Variants in ALDH2 observed in about 807,000 individuals in gnomAD.
ALDH2 encodes aldehyde dehydrogenase, mitochondrial.
ALDH2 carries 44 observed loss-of-function variants against 59.6 expected under a neutral mutation model. The ratio of observed to expected loss-of-function variants is 0.74; its 90% CI spans 0.58 to 0.95. ALDH2 has a LOEUF of 0.95. ALDH2 is among the 40% of genes least tolerant of loss of function. The probability of loss-of-function intolerance (pLI) is 0.00; values close to 1 mark genes in which losing one functional copy is unlikely to be tolerated. For missense variants in ALDH2, 570 were observed against 696.3 expected, an observed-to-expected ratio of 0.82 and a Z score of 2.04; for synonymous variants, 291 against 284.0, an observed-to-expected ratio of 1.02 and a Z score of -0.25.
chr12:111,770,005 A>G (rs543005363), intron 1 of ALDH2, among the ~76,000 whole-genome samples: 2 of 152,168 alleles, frequency 1.3e-5, no homozygotes, highest in South Asian at 2.1e-4. Flanking sequence ...TTAGCTGGGC[A>G]TGGTGGCGCG....
chr12:111,768,012 G>A (rs1485800236), intron 1 of ALDH2, among the ~76,000 whole-genome samples: 1 of 152,214 alleles, frequency 6.6e-6, no homozygotes, highest in Non-Finnish European at 1.5e-5. Context: ...CCTTTGTGCA[G>A]CACTGTTCTA....
At position 111,792,124 on chromosome 12, in the gene ALDH2, G is replaced by T. The variant is rs145077856; in HGVS notation, c.859G>T (p.Gly287Trp). Residue 287 changes from glycine (G) to tryptophan (W), a missense_variant, in exon 8 of 13, where the codon GGG becomes TGG. Coordinates refer to ENST00000261733, the MANE Select transcript of ALDH2 (RefSeq NM_000690.4). ...SNLKRVTLEL[G>W]GKSPNIIMSD... ...CCTCAAGAGAGTGACCTTGGAGCTG[G>T]GGGGGAAGAGCCCCAACATCATCAT... 31 of 1,607,934 alleles carry T rather than the reference G, an allele frequency of 1.9e-5. No homozygotes were observed. The East Asian group carries it at 5.6e-4, about 29-fold the overall frequency.
Position 111,799,887 on chromosome 12 carries a change from C to T in ALDH2, c.1249-19C>T, listed in dbSNP as rs200408280. On this transcript the variant is annotated intron_variant, in intron 10 of 12. Coordinates refer to ENST00000261733, the MANE Select transcript of ALDH2 (RefSeq NM_000690.4). ...GCCTCCGTGTTGCCGAACCCTCCTACGCTGCTCTCTCACTCCAGATCTTCG... is the reference window on the plus strand; with the variant it reads ...GCCTCCGTGTTGCCGAACCCTCCTATGCTGCTCTCTCACTCCAGATCTTCG... 203 of 1,610,002 alleles carry T rather than the reference C, an allele frequency of 1.3e-4. 1 individual carries two copies. The highest frequency in any genetic ancestry group is 1.6e-4 in the Non-Finnish European group (188 of 1,177,840).
In ALDH2 at chr12:111,814,665, T is replaced by C. The variant is rs1157004598; in HGVS notation, c.*5090T>C. The C allele has an allele frequency of 6.6e-6, 1 of 150,766 alleles. No individual in the cohort carries two copies. The highest frequency in any genetic ancestry group is 2.4e-5 in the African/African-American group (1 of 40,882). 9.3% of individuals were successfully genotyped at this position (150,766 alleles called of 1,614,324 possible). ...TTCGAGATCAGCCTGGCCAACATGA[T>C]GAAAACCCATCTCTGCTAAAAATAC... On this transcript the variant is annotated 3_prime_UTR_variant, in exon 13 of 13. Coordinates refer to ENST00000261733, the MANE Select transcript of ALDH2 (RefSeq NM_000690.4).
chr12:111,808,640 G>C (rs1171742698), intron 12 of ALDH2, among the ~76,000 whole-genome samples: 1 of 152,128 alleles, frequency 6.6e-6, no homozygotes, highest in Non-Finnish European at 1.5e-5. Flanking sequence ...GGGAGGCAGA[G>C]GTTGCAGTGA....
Position 111,813,054 on chromosome 12 carries a change from A to AT in ALDH2, c.*3483dup, listed in dbSNP as rs1205755748. 6 of 152,224 alleles carry AT rather than the reference A, an allele frequency of 3.9e-5. No individual in the cohort carries two copies. The highest frequency in any genetic ancestry group is 3.3e-4 in the Admixed American group (5 of 15,282). The allele number at this position is 152,224 out of a possible 1,614,324, so 9.4% of individuals were successfully genotyped here. A position where few individuals can be genotyped will look rare whatever the true frequency, so the allele number is the denominator to read the frequency against. ...CTATGAAGAAATGTCTATCAAGTTGATTTTGACAACCTAGACACATTAATC... is the reference window on the plus strand; with the variant it reads ...CTATGAAGAAATGTCTATCAAGTTGATTTTTGACAACCTAGACACATTAATC... On this transcript the variant is annotated 3_prime_UTR_variant, in exon 13 of 13. Coordinates refer to ENST00000261733, the MANE Select transcript of ALDH2 (RefSeq NM_000690.4).
intron 12 of ALDH2, among the ~76,000 whole-genome samples, chr12:111,805,995 C>A (rs1484851935): frequency 7.1e-6 from 1 of 141,604 alleles, no homozygotes; most frequent in African/African-American, 2.7e-5. Context: ...TGCACTCCAG[C>A]CTGGCGACAG....
intron 4 of ALDH2, among the ~76,000 whole-genome samples, chr12:111,788,828 C>A (rs887066797): frequency 6.6e-6 from 1 of 151,850 alleles, no homozygotes; most frequent in Non-Finnish European, 1.5e-5. Flanking sequence ...ATAGGGAGAC[C>A]CACATCTCTA....
At chr12:111,770,645 A>T (rs1335403718) in intron 1 of ALDH2, among the ~76,000 whole-genome samples, 2 of 151,432 alleles carry the variant, frequency 1.3e-5, no homozygotes, top group African/African-American at 2.4e-5. Context: ...TGTATTTTTT[A>T]TTTTATTTTA....
chr12:111,789,707 CA>C, intron 4 of ALDH2, 115 bp from the exon 5 acceptor site: 1 of 881,826 alleles, frequency 1.1e-6, no homozygotes, highest in Non-Finnish European at 1.8e-6. Context: ...AAGCCAAAAG[CA>C]AAGACAGTTT....
At chr12:111,780,388 G>GT (rs1490436160) in intron 1 of ALDH2, among the ~76,000 whole-genome samples, 1 of 152,132 alleles carries the variant, frequency 6.6e-6, no homozygotes. Context: ...CCCTGACCCC[G>GT]TTTTTTATCA....
At position 111,811,949 on chromosome 12, in the gene ALDH2, G is replaced by GT. The variant is rs954462350; in HGVS notation, c.*2376dup. ...GAGGCCCCGAATGTCTGGCTGCACT[G>GT]TTATTTATTGGATACAAAGCAAAAG... is the stretch of plus-strand genomic sequence containing the variant. On this transcript the variant is annotated 3_prime_UTR_variant, in exon 13 of 13. Transcript: ENST00000261733. 2 of 182,104 alleles carry GT rather than the reference G, an allele frequency of 1.1e-5. No homozygotes were observed. The highest frequency in any genetic ancestry group is 4.8e-5 in the African/African-American group (2 of 41,902). 11.3% of individuals were successfully genotyped at this position (182,104 alleles called of 1,614,324 possible).
intron 12 of ALDH2, among the ~76,000 whole-genome samples, chr12:111,805,039 G>A (rs1348594024): frequency 6.6e-6 from 1 of 151,966 alleles, no homozygotes; most frequent in East Asian, 1.9e-4. Flanking sequence ...ATAAATTATG[G>A]AACACCCCAA....
intron 1 of ALDH2, chr12:111,775,764 T>A (rs1334460066): frequency 9.0e-6 from 4 of 442,986 alleles, no homozygotes; most frequent in Non-Finnish European, 1.8e-5. Flanking sequence ...TATAAAGCAT[T>A]TGGCCCAGAG....
chr12:111,798,082 A>T lies in ALDH2; in HGVS notation c.1088A>T (p.Asp363Val). 1 of 1,614,154 alleles carries T rather than the reference A, an allele frequency of 6.2e-7. No individual in the cohort carries two copies. The highest frequency in any genetic ancestry group is 8.5e-7 in the Non-Finnish European group (1 of 1,180,038). ...TCTGGGTTCCTTCTCCCACAGGTGG[A>T]TGAAACTCAGTTTAAGAAGATCCTC... The part of the protein sequence containing the change: ...DSKTEQGPQV[D>V]ETQFKKILGY... Residue 363 changes from aspartate (D) to valine (V), a missense_variant, in exon 10 of 13, where the codon GAT becomes GTT. By Grantham distance (152) the Asp-to-Val change is radical (BLOSUM62 -3). Coordinates refer to ENST00000261733, the MANE Select transcript of ALDH2 (RefSeq NM_000690.4).
At chr12:111,801,285 A>G (rs1295995725) in intron 11 of ALDH2, among the ~76,000 whole-genome samples, 2 of 152,142 alleles carry the variant, frequency 1.3e-5, no homozygotes, top group Non-Finnish European at 2.9e-5. Flanking sequence ...ACCTCCCACA[A>G]CACGTGGGAA....
chr12:111,771,742 G>A (rs917949755), intron 1 of ALDH2, among the ~76,000 whole-genome samples: 1 of 152,236 alleles, frequency 6.6e-6, no homozygotes, highest in South Asian at 2.1e-4. Context: ...TACTGCCTGA[G>A]TGGGCAGGAC....
chr12:111,792,600 G>A lies in ALDH2; in HGVS notation c.901G>A (p.Asp301Asn), dbSNP rs571588910. The change falls in exon 9 of 13, where the codon GAT (aspartate) becomes AAT (asparagine). Residue 301 changes from aspartate to asparagine, a missense_variant and splice_region_variant. By Grantham distance (23) the Asp-to-Asn change is conservative. Coordinates refer to ENST00000261733, the MANE Select transcript of ALDH2 (RefSeq NM_000690.4). The part of the protein sequence containing the change: ...PNIIMSDADM[D>N]WAVEQAHFAL... Reference sequence around the variant, plus strand: ...TGTCTCCTGCCCACTTCCCGCAGTGGATTGGGCCGTGGAACAGGCCCACTT... The same window carrying A: ...TGTCTCCTGCCCACTTCCCGCAGTGAATTGGGCCGTGGAACAGGCCCACTT... 1.2e-4 allele frequency: 189 copies of A among 1,611,680 alleles called. No homozygotes were observed. The highest frequency in any genetic ancestry group is 1.5e-4 in the Non-Finnish European group (174 of 1,179,722).
chr12:111,798,277 T>G, intron 10 of ALDH2, 35 bp downstream of exon 10: 1 of 1,520,026 alleles, frequency 6.6e-7, no homozygotes. Context: ...GGAAACATTC[T>G]TGGCGGGAGG....
Sources: allele counts gnomAD v4.1 joint callset (sites outside exome capture counted in the v4.1 genomes callset), GRCh38; gene constraint gnomAD v4.1.1; transcripts MANE v1.5; gene names NCBI Gene and HGNC (gene_info 2026-07-23, HGNC 2026-07-21).